Variants in ZFTA observed in about 807,000 individuals in gnomAD.
ZFTA encodes zinc finger translocation-associated protein.
ZFTA carries 35 observed loss-of-function variants against 41.8 expected under a neutral mutation model. That is an observed-to-expected ratio of 0.84 (90% CI 0.64 to 1.11). The LOEUF (loss-of-function observed/expected upper bound fraction) is 1.11. Ranked by LOEUF, ZFTA falls within the 50% of genes most tolerant of loss-of-function variation. The pLI is 0.00. For missense variants in ZFTA, 964 were observed against 989.8 expected, an observed-to-expected ratio of 0.97 and a Z score of 0.35; for synonymous variants, 514 against 436.4, an observed-to-expected ratio of 1.18 and a Z score of -2.22.
At position 63,763,874 on chromosome 11, in the gene ZFTA, G is replaced by C. The variant is rs1293477509; in HGVS notation, c.1586-5C>G. 7.0e-7 allele frequency: 1 copy of C among 1,421,084 alleles called. No individual in the cohort carries two copies. Among genetic ancestry groups the C allele is most frequent in the African/African-American group, 1.5e-5 (1 of 66,210 alleles). 88.0% of individuals were successfully genotyped at this position (1,421,084 alleles called of 1,614,324 possible). Reference sequence around the variant, plus strand: ...CAGGGGACAGCGGAACGTCGCCTAAGGAGGGACAAAGGACCGCATTGGCGA... The same window carrying C: ...CAGGGGACAGCGGAACGTCGCCTAACGAGGGACAAAGGACCGCATTGGCGA... On this transcript the variant is annotated splice_polypyrimidine_tract_variant and splice_region_variant and intron_variant, in intron 4 of 4. Coordinates refer to ENST00000433688, the MANE Select transcript of ZFTA (RefSeq NM_001144936.2).
In ZFTA at chr11:63,761,409, TCAGTGTGCTCATCCCAAGG is replaced by T. The variant is rs1442568654; in HGVS notation, c.*1990_*2008del. On this transcript the variant is annotated 3_prime_UTR_variant, in exon 5 of 5. Coordinates refer to ENST00000433688, the MANE Select transcript of ZFTA (RefSeq NM_001144936.2). ...CCTTCCAGCTGAGGCCCTGCAGAGC[TCAGTGTGCTCATCCCAAGG>T]CAGTGTGCAGGGCTTTGCCACCTTC... is the stretch of plus-strand genomic sequence containing the variant. 4.6e-4 allele frequency: 70 copies of T among 152,362 alleles called. No homozygotes were observed. The highest frequency in any genetic ancestry group is 1.6e-3 in the African/African-American group (67 of 41,570). 9.4% of individuals were successfully genotyped at this position (152,362 alleles called of 1,614,324 possible). A position where few individuals can be genotyped will look rare whatever the true frequency, so the allele number is the denominator to read the frequency against.
At position 63,764,275 on chromosome 11, in the gene ZFTA, T is replaced by C; in HGVS notation, c.1348A>G (p.Lys450Glu). 6.8e-7 allele frequency: 1 copy of C among 1,461,206 alleles called. No individual in the cohort carries two copies. Among genetic ancestry groups the C allele is most frequent in the Non-Finnish European group, 9.0e-7 (1 of 1,114,126 alleles). 90.5% of individuals were successfully genotyped at this position (1,461,206 alleles called of 1,614,324 possible). ...ATGTGGCGCTCGATGGTGCTCATCT[T>C]GAGCGAGGCCAGCGCGCCCCCGCAC... is the stretch of plus-strand genomic sequence containing the variant. ...GVCGGALASL[K>E]MSTIERHIRR... is the part of the protein sequence containing the mutation. The change falls in exon 4 of 5, where the codon AAG becomes GAG. Residue 450 changes from lysine (K) to glutamate (E), a missense_variant. Transcript: ENST00000433688.
rs1375435903 is a variant in ZFTA at position 63,768,668 on chromosome 11, C to T, written c.-46G>A. ...GCCCCGGGGCGGCGGGGCGCGGGGC[C>T]GCGGGGCCGGCGGCAGCCCGCGCGG... On this transcript the variant is annotated 5_prime_UTR_variant, in exon 1 of 5. Transcript: ENST00000433688. 2.1e-6 allele frequency: 2 copies of T among 937,004 alleles called. No homozygotes were observed. The highest frequency in any genetic ancestry group is 1.8e-5 in the African/African-American group (1 of 55,370). The allele number at this position is 937,004 out of a possible 1,614,324, so 58.0% of individuals were successfully genotyped here.
chr11:63,768,540 C>T lies in ZFTA; in HGVS notation c.83G>A (p.Arg28Gln). The T allele has an allele frequency of 8.7e-7, 1 of 1,145,352 alleles. No homozygotes were observed. The highest frequency in any genetic ancestry group is 1.1e-6 in the Non-Finnish European group (1 of 929,052). 70.9% of individuals were successfully genotyped at this position (1,145,352 alleles called of 1,614,324 possible). ...PGPAVASARG[R>Q]RLPPAGSSGS... ...GCTCGATCCGGCGGGCGGCAGCCGTCGGCCCCGTGCCGAGGCCACTGCTGG... is the reference window on the plus strand; with the variant it reads ...GCTCGATCCGGCGGGCGGCAGCCGTTGGCCCCGTGCCGAGGCCACTGCTGG... Residue 28 changes from arginine to glutamine, a missense_variant, in exon 1 of 5, where the codon CGA (arginine) becomes CAA (glutamine). Arg to Gln is a conservative substitution (Grantham distance 43). This residue lies in a region of ZFTA where 111 missense variants were observed against 93.2 expected (regional missense o/e 1.19). Transcript: ENST00000433688.
intron 4 of ZFTA, 49 bp downstream of exon 4, chr11:63,763,989 A>G: frequency 7.7e-7 from 1 of 1,303,934 alleles, no homozygotes; most frequent in Non-Finnish European, 9.9e-7. Context: ...CTTCTGCCCC[A>G]GCAACTGCCC....
rs1241608553 is a variant in ZFTA at position 63,760,438 on chromosome 11, C to G, written c.*2980G>C. ...ATATTTTTTAAATGACTGATGCAAA[C>G]AATTTCACAAATACGCATACAAATG... On this transcript the variant is annotated 3_prime_UTR_variant, in exon 5 of 5. Coordinates refer to ENST00000433688, the MANE Select transcript of ZFTA (RefSeq NM_001144936.2). The G allele has an allele frequency of 6.6e-6, 1 of 152,096 alleles. No individual in the cohort carries two copies. The highest frequency in any genetic ancestry group is 1.5e-5 in the Non-Finnish European group (1 of 68,026). The allele number at this position is 152,096 out of a possible 1,614,324, so 9.4% of individuals were successfully genotyped here. A position where few individuals can be genotyped will look rare whatever the true frequency, so the allele number is the denominator to read the frequency against.
intron 4 of ZFTA, 38 bp from the exon 5 acceptor site, chr11:63,763,907 G>A (rs1007620955): frequency 1.4e-5 from 20 of 1,404,892 alleles, no homozygotes; most frequent in African/African-American, 4.6e-5. Context: ...CGACGGCGGG[G>A]GGCAGCGGGC....
rs1424511917 is a variant in ZFTA at position 63,764,525 on chromosome 11, AGAG to A, written c.1095_1097del (p.Ser366del). 3.2e-5 allele frequency: 40 copies of A among 1,256,900 alleles called. No homozygotes were observed. Among genetic ancestry groups the A allele is most frequent in the Non-Finnish European group, 3.7e-5 (37 of 995,402 alleles). The allele number at this position is 1,256,900 out of a possible 1,614,324, so 77.9% of individuals were successfully genotyped here. A position where few individuals can be genotyped will look rare whatever the true frequency, so the allele number is the denominator to read the frequency against. ...TTACGTCTGGGGGGCTGAGATCCTG[AGAG>A]GAGGGGGCTCCAGCAGCGGAGGCCG... On this transcript the variant is annotated inframe_deletion, in exon 4 of 5. Transcript: ENST00000433688.
At position 63,765,344 on chromosome 11, in the gene ZFTA, T is replaced by C; in HGVS notation, c.638-90A>G. The C allele has an allele frequency of 7.4e-7, 1 of 1,348,922 alleles. No homozygotes were observed. The highest frequency in any genetic ancestry group is 1.6e-5 in the South Asian group (1 of 62,410). The allele number at this position is 1,348,922 out of a possible 1,614,324, so 83.6% of individuals were successfully genotyped here. A position where few individuals can be genotyped will look rare whatever the true frequency, so the allele number is the denominator to read the frequency against. ...GTCTCCCACAAGCCTCTCACTCACT[T>C]GGGCCCCAGGCCTAACCTTTGCCCT... On this transcript the variant is annotated intron_variant, in intron 2 of 4. Coordinates refer to ENST00000433688, the MANE Select transcript of ZFTA (RefSeq NM_001144936.2). This position sits in a 1 kb window ranked among gnomAD's most constrained non-coding sequence, Gnocchi z 4.0.
chr11:63,765,170 G>T lies in ZFTA; in HGVS notation c.722C>A (p.Ala241Asp), dbSNP rs895186510. Reference protein sequence around the residue: ...APRARRLRLSASRRAGGSRGL... With the variant: ...APRARRLRLSDSRRAGGSRGL... ...CCTGCTGCCCCCGGCCCTCCGGGAG[G>T]CTGAGAGGCGCAGACGCCGAGCCCG... The change falls in exon 3 of 5, where the codon GCC becomes GAC. Residue 241 changes from alanine to aspartate, a missense_variant. Physicochemically the swap from Ala to Asp is moderately radical, Grantham distance 126 (BLOSUM62 -2). Coordinates refer to ENST00000433688, the MANE Select transcript of ZFTA (RefSeq NM_001144936.2). The surrounding 1 kb of genome is among the most constrained non-coding windows in gnomAD (Gnocchi z 4.0). 6.5e-6 allele frequency: 10 copies of T among 1,540,454 alleles called. No individual in the cohort carries two copies. Among genetic ancestry groups the T allele is most frequent in the Non-Finnish European group, 8.7e-6 (10 of 1,143,726 alleles).
chr11:63,763,855 A>G lies in ZFTA; in HGVS notation c.1600T>C (p.Ser534Pro). The stretch of plus-strand genomic sequence containing the variant: ...GGCCGCTCCAAGGGAGCTCCAGGGG[A>G]CAGCGGAACGTCGCCTAAGGAGGGA... ...EEEEWGDVPL[S>P]PGAPLERPAE... The change falls in exon 5 of 5, where the codon TCC becomes CCC. Residue 534 changes from serine to proline, a missense_variant. Ser to Pro is a moderately conservative substitution (Grantham distance 74). Transcript: ENST00000433688. 7.0e-7 allele frequency: 1 copy of G among 1,426,212 alleles called. No individual in the cohort carries two copies. The highest frequency in any genetic ancestry group is 9.2e-7 in the Non-Finnish European group (1 of 1,090,554). The allele number at this position is 1,426,212 out of a possible 1,614,324, so 88.3% of individuals were successfully genotyped here.
intron 1 of ZFTA, chr11:63,767,413 C>T (rs1473048988): frequency 6.6e-6 from 1 of 152,240 alleles, no homozygotes; most frequent in South Asian, 2.1e-4. Flanking sequence ...GGCCTGGGTT[C>T]AAGTCCTGGC....
rs1335779614 is a variant in ZFTA, at chr11:63,763,448, G to A, written c.2007C>T (p.Asp669=). The change falls in exon 5 of 5, where the codon GAC becomes GAT. Residue 669 remains aspartate, a synonymous_variant. Coordinates refer to ENST00000433688, the MANE Select transcript of ZFTA (RefSeq NM_001144936.2). ...CCCGACACACAGCGCCAGACTTGAG[G>A]TCCGCGCCGCCGTCACGCGGCGCCG... ...PAPAPRDGGA[D]LKSGAVCRA The A allele has an allele frequency of 2.1e-6, 3 of 1,417,336 alleles. No homozygotes were observed. The highest frequency in any genetic ancestry group is 3.0e-5 in the African/African-American group (2 of 65,664). 87.8% of individuals were successfully genotyped at this position (1,417,336 alleles called of 1,614,324 possible).
At position 63,762,343 on chromosome 11, in the gene ZFTA, G is replaced by C. The variant is rs567503465; in HGVS notation, c.*1075C>G. 6.6e-6 allele frequency: 1 copy of C among 152,208 alleles called. No homozygotes were observed. The highest frequency in any genetic ancestry group is 1.5e-5 in the Non-Finnish European group (1 of 68,054). The allele number at this position is 152,208 out of a possible 1,614,324, so 9.4% of individuals were successfully genotyped here. A position where few individuals can be genotyped will look rare whatever the true frequency, so the allele number is the denominator to read the frequency against. On this transcript the variant is annotated 3_prime_UTR_variant, in exon 5 of 5. Transcript: ENST00000433688. ...AAATAAAATACAAAGAGCAAAAAAG[G>C]GCCTGATCTCGGGGCCACCTGTTCT...
chr11:63,767,677 AG>A (rs560648208), intron 1 of ZFTA: 5 of 152,266 alleles, frequency 3.3e-5, no homozygotes, highest in Non-Finnish European at 7.3e-5. Context: ...AGATTCGGGC[AG>A]AGTCTCCCTG....
At chr11:63,768,296 G>A (rs2014779894) in intron 1 of ZFTA, among the ~76,000 whole-genome samples, 188 bp downstream of exon 1, 1 of 149,724 alleles carries the variant, frequency 6.7e-6, no homozygotes, top group South Asian at 2.1e-4. Flanking sequence ...CCCGCGAGCC[G>A]ACCCCGGGAG....
At position 63,768,469 on chromosome 11, in the gene ZFTA, G is replaced by A. The variant is rs970584471; in HGVS notation, c.139+15C>T. On this transcript the variant is annotated intron_variant, in intron 1 of 4. Transcript: ENST00000433688. Reference sequence around the variant, plus strand: ...CGCCGGGGCCCCCGCCCGGGCCGCCGGCCCCAGCTCTTACCGCCTTCGTCT... The same window carrying A: ...CGCCGGGGCCCCCGCCCGGGCCGCCAGCCCCAGCTCTTACCGCCTTCGTCT... 1.8e-6 allele frequency: 2 copies of A among 1,124,574 alleles called. No homozygotes were observed. Among genetic ancestry groups the A allele is most frequent in the African/African-American group, 1.7e-5 (1 of 58,944 alleles). The allele number at this position is 1,124,574 out of a possible 1,614,324, so 69.7% of individuals were successfully genotyped here.
chr11:63,766,031 A>C lies in ZFTA; in HGVS notation c.413T>G (p.Leu138Arg), dbSNP rs1453795369. 1 of 1,551,146 alleles carries C rather than the reference A, an allele frequency of 6.4e-7. No individual in the cohort carries two copies. The highest frequency in any genetic ancestry group is 2.0e-5 in the Admixed American group (1 of 50,954). Residue 138 changes from leucine (L) to arginine (R), a missense_variant, in exon 2 of 5, where the codon CTC (leucine) becomes CGC (arginine). Physicochemically the swap from Leu to Arg is moderately radical, Grantham distance 102 (BLOSUM62 -2). This residue lies in a region of ZFTA where 141 missense variants were observed against 216.7 expected (regional missense o/e 0.65). Transcript: ENST00000433688. ...VCGSSLATLK[L>R]STIKRHIRQK... ...GCGGATGTGGCGCTTGATGGTGCTG[A>C]GCTTGAGGGTGGCCAGGGAGCTGCC...
In ZFTA at chr11:63,764,408, C is replaced by G; in HGVS notation, c.1215G>C (p.Pro405=). 1 of 1,280,508 alleles carries G rather than the reference C, an allele frequency of 7.8e-7. No individual in the cohort carries two copies. Among genetic ancestry groups the G allele is most frequent in the Non-Finnish European group, 9.8e-7 (1 of 1,016,618 alleles). The allele number at this position is 1,280,508 out of a possible 1,614,324, so 79.3% of individuals were successfully genotyped here. Residue 405 remains proline (P), a synonymous_variant, in exon 4 of 5, where the codon CCG becomes CCC. Transcript: ENST00000433688. ...GGGCGCGGCCCCGCGGCGACCGGCC[C>G]GGGACCCCCGCCCTCTCGCCCTCGC... ...EEGEGERAGV[P]GRSPRGRAHR... is the part of the protein sequence containing the mutation.
Sources: allele counts gnomAD v4.1 joint callset (sites outside exome capture counted in the v4.1 genomes callset), GRCh38; gene constraint gnomAD v4.1.1; regional missense constraint gnomAD v4.1.1; non-coding constraint Gnocchi (gnomAD v3.1); transcripts MANE v1.5; gene names NCBI Gene and HGNC (gene_info 2026-07-23, HGNC 2026-07-21).